The following LMBR1 variants were observed in gnomAD, a reference collection of about 807,000 sequenced individuals.
The protein encoded by LMBR1 is limb region 1 protein homolog.
In LMBR1, 52 loss-of-function variants were observed where a neutral mutation model predicts 73.9. The ratio of observed to expected loss-of-function variants is 0.70; its 90% CI spans 0.56 to 0.89. The LOEUF (loss-of-function observed/expected upper bound fraction) is 0.89, where lower values mean the gene tolerates loss of function less well. Ranked by LOEUF, LMBR1 falls within the 40% of genes least tolerant of loss-of-function variation. The pLI is 0.00. For synonymous variants in LMBR1, 215 were observed against 209.4 expected (o/e 1.03, Z -0.23); for missense variants, 539 against 579.8 (o/e 0.93, Z 0.72).
At chr7:156,853,233 C>T (rs556830540) in intron 1 of LMBR1, among the ~76,000 whole-genome samples, 11 of 152,162 alleles carry the variant, frequency 7.2e-5, no homozygotes, top group African/African-American at 1.9e-4. Flanking sequence ...CCACCGCACC[C>T]GGCCGAATAA....
chr7:156,876,513 T>C (rs1424274265), intron 1 of LMBR1, among the ~76,000 whole-genome samples: 3 of 152,190 alleles, frequency 2.0e-5, no homozygotes, highest in Non-Finnish European at 4.4e-5. Flanking sequence ...AACCGCTGAA[T>C]ATATATTCTA....
chr7:156,670,375 C>T lies in LMBR1; in HGVS notation n.867-1088G>A, dbSNP rs1338660509. ...CCTGCGTTTTGCATCCCCTGGAAAGCGGGTCCAGGGAAGTGACTTGCCTAA... is the reference window on the plus strand; with the variant it reads ...CCTGCGTTTTGCATCCCCTGGAAAGTGGGTCCAGGGAAGTGACTTGCCTAA... On this transcript the variant is annotated intron_variant and non_coding_transcript_variant, in intron 4 of 4. Coordinates refer to the LMBR1 transcript ENST00000430825. This position sits in a 1 kb window ranked among gnomAD's most constrained non-coding sequence, Gnocchi z 4.3. Among the ~76,000 whole-genome samples the T allele has an allele frequency of 6.6e-6, 1 of 152,184 alleles. No individual in the cohort carries two copies. The highest frequency in any genetic ancestry group is 1.5e-5 in the Non-Finnish European group (1 of 68,044).
At chr7:156,818,486 T>C (rs2286993) in intron 4 of LMBR1, among the ~76,000 whole-genome samples, 13,962 of 152,266 alleles carry the variant, frequency 0.092, 786 homozygotes, top group African/African-American at 0.16. Context: ...TGAAGAATTA[T>C]TTCCTGGTTT....
chr7:156,779,960 G>A (rs1222602462), intron 5 of LMBR1, among the ~76,000 whole-genome samples: 5 of 152,044 alleles, frequency 3.3e-5, no homozygotes, highest in Non-Finnish European at 1.5e-5. Context: ...TACTAATAAA[G>A]AACAGAAAAT....
chr7:156,798,095 A>G (rs1034974481), intron 4 of LMBR1, among the ~76,000 whole-genome samples: 2 of 152,182 alleles, frequency 1.3e-5, no homozygotes, highest in Admixed American at 1.3e-4. Flanking sequence ...CACACAATTG[A>G]GTTCTAGGCA....
intron 15 of LMBR1, among the ~76,000 whole-genome samples, 160 bp from the exon 16 acceptor site, chr7:156,688,351 T>C (rs1369933715): frequency 6.6e-6 from 1 of 152,096 alleles, no homozygotes; most frequent in Non-Finnish European, 1.5e-5. Flanking sequence ...ATGTAACTAT[T>C]ATCTAGTGGG....
chr7:156,684,761 G>A (rs1355038602), intron 16 of LMBR1, among the ~76,000 whole-genome samples: 1 of 152,186 alleles, frequency 6.6e-6, no homozygotes, highest in Non-Finnish European at 1.5e-5. Context: ...GTTTGAGACA[G>A]GCCTGGGCAA....
At chr7:156,676,797 A>C, downstream of LMBR1, 1 of 645,906 alleles carries the variant, frequency 1.5e-6, no homozygotes, top group Admixed American at 2.9e-5. Context: ...AGGAAATCTT[A>C]GTATATTTTA....
At chr7:156,782,647 C>T (rs1478934273) in intron 5 of LMBR1, among the ~76,000 whole-genome samples, 3 of 152,092 alleles carry the variant, frequency 2.0e-5, no homozygotes, top group Non-Finnish European at 4.4e-5. Flanking sequence ...CAGGTTCAAG[C>T]GATTCTCCCG....
intron 5 of LMBR1, among the ~76,000 whole-genome samples, chr7:156,781,160 T>C (rs1190947066): frequency 6.6e-6 from 1 of 152,232 alleles, no homozygotes; most frequent in East Asian, 1.9e-4. Flanking sequence ...GCATTATTAC[T>C]TATTATTACA....
chr7:156,833,869 A>T, intron 2 of LMBR1, 77 bp from the exon 3 acceptor site: 1 of 944,614 alleles, frequency 1.1e-6, no homozygotes, highest in African/African-American at 1.7e-5. Flanking sequence ...AACTATAAAC[A>T]CAATATAAAC....
chr7:156,740,007 G>A (rs1010563692), intron 9 of LMBR1, among the ~76,000 whole-genome samples: 1 of 152,000 alleles, frequency 6.6e-6, no homozygotes. Context: ...AGATAATACA[G>A]AGAAGAAATT....
At chr7:156,833,294 T>C (rs1327053891) in intron 3 of LMBR1, among the ~76,000 whole-genome samples, 2 of 152,204 alleles carry the variant, frequency 1.3e-5, no homozygotes, top group African/African-American at 2.4e-5. Flanking sequence ...TTCAGTTTGA[T>C]ACTTCAATAA....
At chr7:156,769,541 C>T (rs966530177) in intron 5 of LMBR1, among the ~76,000 whole-genome samples, 37 of 152,156 alleles carry the variant, frequency 2.4e-4, no homozygotes, top group African/African-American at 8.7e-4. Context: ...CTGCACCATC[C>T]AATCTCATTG....
chr7:156,785,126 T>C (rs1827843238), intron 5 of LMBR1, among the ~76,000 whole-genome samples: 1 of 151,968 alleles, frequency 6.6e-6, no homozygotes, highest in South Asian at 2.1e-4. Flanking sequence ...AAAACATGAT[T>C]TGGGGCCAGG....
chr7:156,850,602 G>A (rs546921705), intron 1 of LMBR1, among the ~76,000 whole-genome samples: 1 of 152,122 alleles, frequency 6.6e-6, no homozygotes, highest in Non-Finnish European at 1.5e-5. Context: ...CATCCATGCT[G>A]TAGCATGTAA....
chr7:156,736,600 G>A (rs550331323), intron 9 of LMBR1: 24 of 456,880 alleles, frequency 5.3e-5, no homozygotes, highest in African/African-American at 2.6e-4. Context: ...TGGATTTCCC[G>A]CACAAAGCAT....
At chr7:156,710,211 GTTGA>G (rs1189503893) in intron 15 of LMBR1, among the ~76,000 whole-genome samples, 1 of 151,874 alleles carries the variant, frequency 6.6e-6, no homozygotes, top group Non-Finnish European at 1.5e-5. Flanking sequence ...GGCCCAGAAG[GTTGA>G]TTATTAAGCT....
At chr7:156,692,242 A>C (rs1807362836) in intron 15 of LMBR1, among the ~76,000 whole-genome samples, 1 of 151,974 alleles carries the variant, frequency 6.6e-6, no homozygotes, top group East Asian at 1.9e-4. Flanking sequence ...ACGCCCGGCT[A>C]ATTTTTGTAT....
Sources: allele counts gnomAD v4.1 joint callset (sites outside exome capture counted in the v4.1 genomes callset), GRCh38; gene constraint gnomAD v4.1.1; non-coding constraint Gnocchi (gnomAD v3.1); transcripts MANE v1.5; gene names NCBI Gene and HGNC (gene_info 2026-07-23, HGNC 2026-07-21).